The following HAPLN1 variants were observed in gnomAD, a reference collection of about 807,000 sequenced individuals.
HAPLN1 encodes the protein Cartilage link protein.
A neutral mutation model predicts 36.5 loss-of-function variants in HAPLN1; 13 were observed. The ratio of observed to expected loss-of-function variants is 0.36; its 90% CI spans 0.23 to 0.57. The LOEUF is 0.57. Ranked by LOEUF, HAPLN1 falls within the 20% of genes least tolerant of loss-of-function variation. The pLI, the probability that HAPLN1 is intolerant of heterozygous loss-of-function variation, is 0.83. For synonymous variants in HAPLN1, 202 were observed against 169.8 expected (o/e 1.19, Z -1.48); for missense variants, 407 against 439.7 (o/e 0.93, Z 0.66).
intron 1 of HAPLN1, among the ~76,000 whole-genome samples, chr5:83,699,431 A>G (rs945855679): frequency 6.6e-6 from 1 of 152,210 alleles, no homozygotes; most frequent in East Asian, 1.9e-4. Context: ...TCTAGCAGAA[A>G]TCTTGCGGGC....
intron 1 of HAPLN1, among the ~76,000 whole-genome samples, chr5:83,710,690 T>C (rs112090947): frequency 0.032 from 4,856 of 152,258 alleles, 286 homozygotes; most frequent in African/African-American, 0.11. Context: ...GTGCCTCATG[T>C]CTGTAATCCC....
At chr5:83,660,764 A>T (rs1750363217) in intron 2 of HAPLN1, among the ~76,000 whole-genome samples, 1 of 152,058 alleles carries the variant, frequency 6.6e-6, no homozygotes, top group Non-Finnish European at 1.5e-5. Context: ...AAGCATATGG[A>T]CTATATCTCT....
intron 2 of HAPLN1, among the ~76,000 whole-genome samples, chr5:83,670,092 G>A (rs1455168176): frequency 6.6e-6 from 1 of 152,164 alleles, no homozygotes; most frequent in Non-Finnish European, 1.5e-5. Flanking sequence ...TCTGTTATCT[G>A]TAAATGTCTT....
At chr5:83,651,404 A>G (rs1446646152) in intron 3 of HAPLN1, among the ~76,000 whole-genome samples, 2 of 152,228 alleles carry the variant, frequency 1.3e-5, no homozygotes, top group African/African-American at 4.8e-5. Context: ...CATGGATATT[A>G]ATATGAATCA....
chr5:83,690,375 G>A (rs1751243092), intron 1 of HAPLN1, among the ~76,000 whole-genome samples: 1 of 152,056 alleles, frequency 6.6e-6, no homozygotes, highest in East Asian at 1.9e-4. Flanking sequence ...TTAGTAGTGT[G>A]ATGTATTTCT....
chr5:83,716,718 T>C (rs1310013638), intron 1 of HAPLN1, among the ~76,000 whole-genome samples: 1 of 152,182 alleles, frequency 6.6e-6, no homozygotes, highest in African/African-American at 2.4e-5. Flanking sequence ...TCATTAAAAC[T>C]TCTTGTAACA....
intron 2 of HAPLN1, among the ~76,000 whole-genome samples, chr5:83,671,956 T>C (rs1428678011): frequency 6.6e-6 from 1 of 152,210 alleles, no homozygotes; most frequent in Non-Finnish European, 1.5e-5. Flanking sequence ...ACAGAGGAGA[T>C]GGGAATGGAA....
At chr5:83,678,393 C>T (rs376620277) in intron 1 of HAPLN1, among the ~76,000 whole-genome samples, 13 of 151,940 alleles carry the variant, frequency 8.6e-5, no homozygotes, top group South Asian at 2.1e-4. Flanking sequence ...AGAATTAAGG[C>T]GAAAAATATA....
chr5:83,687,162 C>T (rs1470145257), intron 1 of HAPLN1, among the ~76,000 whole-genome samples: 2 of 152,152 alleles, frequency 1.3e-5, no homozygotes, highest in African/African-American at 4.8e-5. Context: ...GAAAATGATT[C>T]ATTTAATTTC....
Position 83,673,455 on chromosome 5 carries a change from A to T in HAPLN1, c.69T>A (p.Thr23=), listed in dbSNP as rs764995770. ...TGTGAATAGCTCTGTCATGATCCAG[A>T]GTATAGTTGTCTGAAAGATGATCAG... ...CWADHLSDNY[T]LDHDRAIHIQ... The change falls in exon 2 of 5, where the codon ACT becomes ACA. Residue 23 remains threonine (T), a synonymous_variant. Coordinates refer to ENST00000274341, the MANE Select transcript of HAPLN1 (RefSeq NM_001884.4). 6.2e-7 allele frequency: 1 copy of T among 1,612,296 alleles called. No homozygotes were observed. The highest frequency in any genetic ancestry group is 1.1e-5 in the South Asian group (1 of 90,692).
chr5:83,691,018 A>G (rs1336085655), intron 1 of HAPLN1, among the ~76,000 whole-genome samples: 1 of 152,110 alleles, frequency 6.6e-6, no homozygotes, highest in African/African-American at 2.4e-5. Flanking sequence ...ACAACTAAAA[A>G]GATAATGGAC....
At chr5:83,662,812 G>A (rs1393161568) in intron 2 of HAPLN1, among the ~76,000 whole-genome samples, 1 of 152,170 alleles carries the variant, frequency 6.6e-6, no homozygotes, top group East Asian at 1.9e-4. Context: ...AAAGTGTGAG[G>A]TTAAGTAATT....
At chr5:83,671,847 A>G (rs1223480118) in intron 2 of HAPLN1, among the ~76,000 whole-genome samples, 2 of 152,236 alleles carry the variant, frequency 1.3e-5, no homozygotes, top group Admixed American at 1.3e-4. Flanking sequence ...ATTAAAATGA[A>G]GTGGACTATC....
At position 83,711,769 on chromosome 5, in the gene HAPLN1, T is replaced by TAACA. The variant is rs1311297571; in HGVS notation, c.-27+9016_-27+9019dup. Among the ~76,000 whole-genome samples, 18 of 152,262 alleles carry TAACA rather than the reference T, an allele frequency of 1.2e-4. No individual in the cohort carries two copies. In the South Asian group the frequency reaches 3.7e-3, roughly 32 times the overall value. On this transcript the variant is annotated intron_variant, in intron 1 of 4. Transcript: ENST00000274341. ...ACTCTTAAAAGTGTTCTGGTTTGACTAACACATTTTATTGTCTTGATATAT... is the reference window on the plus strand; with the variant it reads ...ACTCTTAAAAGTGTTCTGGTTTGACTAACAAACACATTTTATTGTCTTGATATAT...
intron 3 of HAPLN1, among the ~76,000 whole-genome samples, 165 bp from the exon 4 acceptor site, chr5:83,644,830 C>T (rs866046475): frequency 1.6e-4 from 25 of 152,200 alleles, no homozygotes; most frequent in African/African-American, 5.3e-4. Flanking sequence ...CTTCAAGCAG[C>T]CTCTCAGTTC....
Position 83,652,727 on chromosome 5 carries a change from G to A in HAPLN1, c.198C>T (p.Asp66=), listed in dbSNP as rs1750105928. 6.2e-7 allele frequency: 1 copy of A among 1,614,030 alleles called. No individual in the cohort carries two copies. The highest frequency in any genetic ancestry group is 8.5e-7 in the Non-Finnish European group (1 of 1,179,988). ...GGATTCCTGAGCCAAATGCTGTAGG[G>A]TCTCGATAAAATTTACATGGCAGTG... The part of the protein sequence containing the change: ...NVTLPCKFYR[D]PTAFGSGIHK... Residue 66 remains aspartate, a synonymous_variant, in exon 3 of 5, where the codon GAC becomes GAT. Transcript: ENST00000274341.
chr5:83,696,031 A>T (rs1483380409), intron 1 of HAPLN1, among the ~76,000 whole-genome samples: 1 of 152,144 alleles, frequency 6.6e-6, no homozygotes, highest in East Asian at 1.9e-4. Context: ...AATCATAAAA[A>T]GTCTACAAAA....
intron 1 of HAPLN1, among the ~76,000 whole-genome samples, chr5:83,709,091 C>T (rs1751717810): frequency 6.6e-6 from 1 of 152,100 alleles, no homozygotes; most frequent in Non-Finnish European, 1.5e-5. Flanking sequence ...GTTGGTCAGG[C>T]TGGTCTTGAA....
chr5:83,675,179 C>T (rs1175042400), intron 1 of HAPLN1: 2 of 152,106 alleles, frequency 1.3e-5, no homozygotes, highest in Non-Finnish European at 2.9e-5. Flanking sequence ...TACCTATTTT[C>T]AGCCCAGGAT....
Sources: gnomAD v4.1 joint callset for allele counts (sites outside exome capture counted in the v4.1 genomes callset) on GRCh38, gnomAD v4.1.1 for gene constraint, MANE v1.5 for transcripts, NCBI Gene and HGNC (gene_info 2026-07-23, HGNC 2026-07-21) for gene names.